Variants in MAPK4 observed in about 807,000 individuals in gnomAD.
The protein encoded by MAPK4 is Erk3-related.
MAPK4 carries 22 observed loss-of-function variants against 47.7 expected under a neutral mutation model. The observed-to-expected ratio is 0.46, with a 90% confidence interval of 0.33 to 0.66. The LOEUF (loss-of-function observed/expected upper bound fraction) is 0.66. Among genes scored for constraint, MAPK4 ranks in the 30% least tolerant of loss-of-function variants. The pLI, the probability that MAPK4 is intolerant of heterozygous loss-of-function variation, is 0.02. For missense variants in MAPK4, 736 were observed against 831.7 expected (o/e 0.88, Z 1.42); for synonymous variants, 390 against 365.7 (o/e 1.07, Z -0.76).
At chr18:50,670,701 G>T (rs1907891676) in intron 2 of MAPK4, among the ~76,000 whole-genome samples, 1 of 148,042 alleles carries the variant, frequency 6.8e-6, no homozygotes, top group African/African-American at 2.5e-5. Context: ...AGGTTGCATT[G>T]AGCCAAGATC....
At chr18:50,670,841 T>C (rs1169733421) in intron 2 of MAPK4, among the ~76,000 whole-genome samples, 4 of 151,924 alleles carry the variant, frequency 2.6e-5, no homozygotes, top group Non-Finnish European at 5.9e-5. Flanking sequence ...CCTAGGAACT[T>C]ATTAGAGATA....
At chr18:50,578,549 G>A (rs924240683) in intron 1 of MAPK4, among the ~76,000 whole-genome samples, 1 of 152,204 alleles carries the variant, frequency 6.6e-6, no homozygotes, top group African/African-American at 2.4e-5. Flanking sequence ...CAAGGAAAAG[G>A]AAATTATATG....
At chr18:50,665,471 T>A (rs546548474) in intron 2 of MAPK4, among the ~76,000 whole-genome samples, 1 of 152,346 alleles carries the variant, frequency 6.6e-6, no homozygotes, top group Admixed American at 6.5e-5. Context: ...TCCTTGGGAT[T>A]AGGTGTACAG....
intron 2 of MAPK4, among the ~76,000 whole-genome samples, chr18:50,676,980 A>G (rs1449254995): frequency 2.0e-5 from 3 of 152,340 alleles, no homozygotes; most frequent in Non-Finnish European, 2.9e-5. Flanking sequence ...CAGGCCACAC[A>G]GCAGGAGGTG....
intron 1 of MAPK4, among the ~76,000 whole-genome samples, chr18:50,579,561 T>C (rs1288673310): frequency 6.6e-6 from 1 of 152,160 alleles, no homozygotes; most frequent in Non-Finnish European, 1.5e-5. Flanking sequence ...GTTTTCTTTT[T>C]TGGTACTAGC....
At chr18:50,577,592 G>A (rs2042309105) in intron 1 of MAPK4, among the ~76,000 whole-genome samples, 1 of 152,148 alleles carries the variant, frequency 6.6e-6, no homozygotes, top group African/African-American at 2.4e-5. Flanking sequence ...ACCTTGTGCA[G>A]GGTTACCTTG....
At chr18:50,595,626 G>A (rs1055304035) in intron 1 of MAPK4, among the ~76,000 whole-genome samples, 1 of 152,132 alleles carries the variant, frequency 6.6e-6, no homozygotes, top group Non-Finnish European at 1.5e-5. Context: ...TGGTCATATG[G>A]GTAGACACAG....
chr18:50,579,196 C>T (rs1040771314), intron 1 of MAPK4, among the ~76,000 whole-genome samples: 30 of 152,122 alleles, frequency 2.0e-4, no homozygotes, highest in African/African-American at 7.2e-4. Context: ...CTGGAGAGAA[C>T]ATGCACGTGC....
chr18:50,714,479 C>T (rs777738798), intron 2 of MAPK4, among the ~76,000 whole-genome samples: 2 of 152,164 alleles, frequency 1.3e-5, no homozygotes, highest in East Asian at 3.8e-4. Context: ...CATGGACCAA[C>T]GAAAGCTGTG....
intron 1 of MAPK4, among the ~76,000 whole-genome samples, chr18:50,653,639 G>T (rs2043075810): frequency 6.6e-6 from 1 of 152,236 alleles, no homozygotes; most frequent in Non-Finnish European, 1.5e-5. Flanking sequence ...ATGGAAGGAA[G>T]CGGAGGAGAA....
intron 2 of MAPK4, among the ~76,000 whole-genome samples, chr18:50,679,988 G>A (rs928301371): frequency 6.6e-6 from 1 of 151,262 alleles, no homozygotes; most frequent in African/African-American, 2.4e-5. Flanking sequence ...GGGACCCAGC[G>A]CTCGCCGCCC....
intron 1 of MAPK4, among the ~76,000 whole-genome samples, chr18:50,622,766 C>T (rs532359759): frequency 4.6e-5 from 7 of 152,300 alleles, no homozygotes; most frequent in Admixed American, 2.0e-4. Flanking sequence ...CTGCAAAAGA[C>T]CATTTTGTGA....
chr18:50,613,647 C>T (rs114938650), intron 1 of MAPK4, among the ~76,000 whole-genome samples: 2,218 of 152,310 alleles, frequency 0.015, 52 homozygotes, highest in African/African-American at 0.049. Flanking sequence ...AATACATGCA[C>T]GTATCTGCAA....
chr18:50,631,810 G>T (rs955840001), intron 1 of MAPK4, among the ~76,000 whole-genome samples: 3 of 152,168 alleles, frequency 2.0e-5, no homozygotes, highest in Non-Finnish European at 4.4e-5. Flanking sequence ...AAAGTTGTCT[G>T]ATTAGAATGT....
At chr18:50,714,937 C>G in intron 2 of MAPK4, 142 bp from the exon 3 acceptor site, 1 of 800,564 alleles carries the variant, frequency 1.2e-6, no homozygotes, top group Non-Finnish European at 2.0e-6. Context: ...CACTCATGCT[C>G]CTTCAAGATC....
chr18:50,587,272 T>G (rs1262708649), intron 1 of MAPK4, among the ~76,000 whole-genome samples: 1 of 152,158 alleles, frequency 6.6e-6, no homozygotes, highest in Non-Finnish European at 1.5e-5. Context: ...AGGCCCAAGG[T>G]AGCTTGTTTG....
chr18:50,600,831 A>G (rs6508011), intron 1 of MAPK4, among the ~76,000 whole-genome samples: 151,670 of 152,210 alleles, frequency 1, 75,569 homozygotes, highest in East Asian at 1. Flanking sequence ...TCACTAGTTC[A>G]CTTTGATTGG....
chr18:50,580,062 T>C (rs1182069207), intron 1 of MAPK4, among the ~76,000 whole-genome samples: 2 of 152,168 alleles, frequency 1.3e-5, no homozygotes, highest in Non-Finnish European at 2.9e-5. Context: ...GGAAATCTAT[T>C]CCAACAGGTC....
intron 1 of MAPK4, among the ~76,000 whole-genome samples, chr18:50,592,312 T>G (rs944033544): frequency 2.0e-5 from 3 of 152,106 alleles, no homozygotes; most frequent in African/African-American, 7.2e-5. Flanking sequence ...GGCAAGGAGT[T>G]TTTGACAAAT....
Sources: gnomAD v4.1 joint callset for allele counts (sites outside exome capture counted in the v4.1 genomes callset) on GRCh38, gnomAD v4.1.1 for gene constraint, MANE v1.5 for transcripts, NCBI Gene and HGNC (gene_info 2026-07-23, HGNC 2026-07-21) for gene names.